The following KASH5 variants were observed in gnomAD, a reference collection of about 807,000 sequenced individuals.
KASH5 encodes protein KASH5.
Under a neutral mutation model 84.2 loss-of-function variants are expected in KASH5, and 72 were observed. The observed-to-expected ratio is 0.85, with a 90% CI of 0.71 to 1.04. KASH5 has a LOEUF of 1.04. Ranked by LOEUF, KASH5 falls within the 50% of genes least tolerant of loss-of-function variation. KASH5 has a pLI of 0.00. For missense variants in KASH5, 650 were observed against 701.0 expected, an observed-to-expected ratio of 0.93 and a Z score of 0.82; for synonymous variants, 260 against 279.1, an observed-to-expected ratio of 0.93 and a Z score of 0.68.
In KASH5 at chr19:49,412,855, G is replaced by A. The variant is rs778144036; in HGVS notation, c.1270-113G>A. 6.0e-6 allele frequency: 6 copies of A among 995,718 alleles called. No individual in the cohort carries two copies. Among genetic ancestry groups the A allele is most frequent in the South Asian group, 5.8e-5 (4 of 69,404 alleles). 61.7% of individuals were successfully genotyped at this position (995,718 alleles called of 1,614,324 possible). A position where few individuals can be genotyped will look rare whatever the true frequency, so the allele number is the denominator to read the frequency against. ...GAATTCATGTGTAGGTTGCAGCCTG[G>A]AAGACCTTTTGTATATGGGGTCTGG... On this transcript the variant is annotated intron_variant, in intron 15 of 19. Transcript: ENST00000447857. The surrounding 1 kb of genome is among the most constrained non-coding windows in gnomAD (Gnocchi z 4.6).
At chr19:49,394,665 T>C (rs1171596371) in intron 3 of KASH5, 85 bp downstream of exon 3, 3 of 1,026,396 alleles carry the variant, frequency 2.9e-6, no homozygotes, top group African/African-American at 3.2e-5. Flanking sequence ...GAGAGAAGAC[T>C]GGGCTAAGGC....
chr19:49,393,922 C>A (rs905263705), intron 2 of KASH5, among the ~76,000 whole-genome samples: 2 of 152,170 alleles, frequency 1.3e-5, no homozygotes, highest in African/African-American at 4.8e-5. Flanking sequence ...TTTACCCTAT[C>A]CCTTCATGTC....
Position 49,394,815 on chromosome 19 carries a change from C to G in KASH5, c.148+235C>G. 1.0e-5 allele frequency: 6 copies of G among 583,090 alleles called. No individual in the cohort carries two copies. The South Asian group carries it at 1.1e-4, about 11-fold the overall frequency. 36.1% of individuals were successfully genotyped at this position (583,090 alleles called of 1,614,324 possible). A position where few individuals can be genotyped will look rare whatever the true frequency, so the allele number is the denominator to read the frequency against. ...ATGGAAGAGGGCAGAGTTTTGGGGT[C>G]GTGGGATAGGGGAGGGAGGCAGCCA... On this transcript the variant is annotated intron_variant, in intron 3 of 19. Coordinates refer to ENST00000447857, the MANE Select transcript of KASH5 (RefSeq NM_144688.5).
At position 49,399,762 on chromosome 19, in the gene KASH5, C is replaced by G. The variant is rs2122141330; in HGVS notation, c.798+255C>G. 1 of 982,692 alleles carries G rather than the reference C, an allele frequency of 1.0e-6. No homozygotes were observed. Among genetic ancestry groups the G allele is most frequent in the Non-Finnish European group, 1.4e-6 (1 of 708,050 alleles). The allele number at this position is 982,692 out of a possible 1,614,324, so 60.9% of individuals were successfully genotyped here. A position where few individuals can be genotyped will look rare whatever the true frequency, so the allele number is the denominator to read the frequency against. On this transcript the variant is annotated intron_variant, in intron 9 of 19. Transcript: ENST00000447857. The surrounding 1 kb of genome is among the most constrained non-coding windows in gnomAD (Gnocchi z 4.4). Reference sequence around the variant, plus strand: ...AAGAGTGGACCAGTGCCTCCCTTCTCTGTGCCTCAGTTGCCTCACCTATAA... The same window carrying G: ...AAGAGTGGACCAGTGCCTCCCTTCTGTGTGCCTCAGTTGCCTCACCTATAA...
Position 49,409,182 on chromosome 19 carries a change from T to A in KASH5, c.1059-14T>A. 6.2e-7 allele frequency: 1 copy of A among 1,612,254 alleles called. No individual in the cohort carries two copies. The highest frequency in any genetic ancestry group is 1.1e-5 in the South Asian group (1 of 90,942). On this transcript the variant is annotated splice_polypyrimidine_tract_variant and intron_variant, in intron 13 of 19. Transcript: ENST00000447857. ...CACAGAGGCCATCTTCCTCCCTCCT[T>A]CCTGTGTGGCCAGGCTACCTGAAGG...
chr19:49,398,915 C>T, intron 7 of KASH5, 110 bp from the exon 8 acceptor site: 1 of 815,448 alleles, frequency 1.2e-6, no homozygotes, highest in Non-Finnish European at 2.0e-6. Context: ...TCTGTCCCTG[C>T]CTACCACCTG....
At chr19:49,415,165 C>G (rs976171207) in intron 17 of KASH5, 169 bp downstream of exon 17, 1 of 714,146 alleles carries the variant, frequency 1.4e-6, no homozygotes, top group Admixed American at 2.3e-5. Flanking sequence ...CTAATGAGAG[C>G]GATGGTGAGG....
Position 49,395,307 on chromosome 19 carries a change from C to T in KASH5, c.335+15C>T. The T allele has an allele frequency of 2.5e-6, 4 of 1,608,544 alleles. No individual in the cohort carries two copies. Among genetic ancestry groups the T allele is most frequent in the Non-Finnish European group, 3.4e-6 (4 of 1,178,198 alleles). On this transcript the variant is annotated intron_variant, in intron 4 of 19. Transcript: ENST00000447857. The surrounding 1 kb of genome is among the most constrained non-coding windows in gnomAD (Gnocchi z 4.4). Reference sequence around the variant, plus strand: ...CAACTACATGGGTGAGTCCCCACATCTTCATCCTCCTCTGGGAAGTCCTTC... The same window carrying T: ...CAACTACATGGGTGAGTCCCCACATTTTCATCCTCCTCTGGGAAGTCCTTC...
intron 9 of KASH5, among the ~76,000 whole-genome samples, chr19:49,406,323 C>T (rs76060370): frequency 0.037 from 5,694 of 152,180 alleles, 176 homozygotes; most frequent in Admixed American, 0.077. Context: ...CGATTATTAA[C>T]CTATCTAATC....
chr19:49,408,451 T>C (rs1974602025), intron 12 of KASH5, among the ~76,000 whole-genome samples: 1 of 152,028 alleles, frequency 6.6e-6, no homozygotes, highest in African/African-American at 2.4e-5. Flanking sequence ...GTGCTTTTTT[T>C]TTTTCTTTCT....
At chr19:49,410,510 G>T (rs1472954734) in intron 15 of KASH5, among the ~76,000 whole-genome samples, 2 of 144,900 alleles carry the variant, frequency 1.4e-5, no homozygotes, top group African/African-American at 5.2e-5. Context: ...TTGAGATGGA[G>T]TCTCACTCTG....
chr19:49,407,072 T>C (rs1974549993), intron 10 of KASH5, 109 bp downstream of exon 10: 4 of 1,314,458 alleles, frequency 3.0e-6, no homozygotes, highest in South Asian at 1.3e-5. Flanking sequence ...TCCATCAAGC[T>C]GTCAGGCTCC....
chr19:49,394,487 G>A lies in KASH5; in HGVS notation c.55G>A (p.Glu19Lys), dbSNP rs529432324. The change falls in exon 3 of 20, where the codon GAG (glutamate) becomes AAG (lysine). Residue 19 changes from glutamate to lysine, a missense_variant. Physicochemically the swap from Glu to Lys is moderately conservative, Grantham distance 56. Transcript: ENST00000447857. ...TCTTGTCTCCCCAGTGTACCTCCGG[G>A]AGCGGCCTGAGGAGGCAAGGCTGGG... ...GGPTAEMYLR[E>K]RPEEARLGMP... 6.2e-7 allele frequency: 1 copy of A among 1,613,674 alleles called. No individual in the cohort carries two copies. The highest frequency in any genetic ancestry group is 1.3e-5 in the African/African-American group (1 of 75,038).
intron 17 of KASH5, 176 bp downstream of exon 17, chr19:49,415,172 G>T: frequency 1.5e-6 from 1 of 680,140 alleles, no homozygotes; most frequent in Non-Finnish European, 2.5e-6. Flanking sequence ...GAGCGATGGT[G>T]AGGTGGGGGG....
At position 49,409,897 on chromosome 19, in the gene KASH5, A is replaced by T. The variant is rs749355337; in HGVS notation, c.1269+22A>T. 1.1e-5 allele frequency: 18 copies of T among 1,611,412 alleles called. 1 individual carries two copies. The Admixed American group carries it at 1.2e-4, about 10-fold the overall frequency. On this transcript the variant is annotated intron_variant, in intron 15 of 19. Transcript: ENST00000447857. ...ACAGGTGAGCACAGGAAAAGCTCTG[A>T]AGTCCAGGAGCTGGAAAGGGGCCAG...
At position 49,391,059 on chromosome 19, in the gene KASH5, G is replaced by C. The variant is rs1331829087; in HGVS notation, c.43+133G>C. ...TGAGCCTTTGCATGGGTGCAGAGTGGAAGGGAGGGAAGGGACTCTGGTAGA... is the reference window on the plus strand; with the variant it reads ...TGAGCCTTTGCATGGGTGCAGAGTGCAAGGGAGGGAAGGGACTCTGGTAGA... On this transcript the variant is annotated intron_variant, in intron 2 of 19. Coordinates refer to ENST00000447857, the MANE Select transcript of KASH5 (RefSeq NM_144688.5). The C allele has an allele frequency of 4.5e-6, 4 of 897,000 alleles. No individual in the cohort carries two copies. The African/African-American group carries it at 6.9e-5, about 16-fold the overall frequency. The allele number at this position is 897,000 out of a possible 1,614,324, so 55.6% of individuals were successfully genotyped here. A position where few individuals can be genotyped will look rare whatever the true frequency, so the allele number is the denominator to read the frequency against.
chr19:49,414,100 TC>T lies in KASH5; in HGVS notation c.1329-850del, dbSNP rs1173872358. Among the ~76,000 whole-genome samples, 1 of 151,930 alleles carries T rather than the reference TC, an allele frequency of 6.6e-6. No homozygotes were observed. Among genetic ancestry groups the T allele is most frequent in the Non-Finnish European group, 1.5e-5 (1 of 67,960 alleles). ...GTCCCCAAAGCAGCATTTCAGGGACTCAGATGGCTGTGACCCTAGGAGGGGC... is the reference window on the plus strand; with the variant it reads ...GTCCCCAAAGCAGCATTTCAGGGACTAGATGGCTGTGACCCTAGGAGGGGC... On this transcript the variant is annotated intron_variant, in intron 16 of 19. Coordinates refer to ENST00000447857, the MANE Select transcript of KASH5 (RefSeq NM_144688.5). This position sits in a 1 kb window ranked among gnomAD's most constrained non-coding sequence, Gnocchi z 4.5.
chr19:49,392,304 CAG>C (rs1974028345), intron 2 of KASH5, among the ~76,000 whole-genome samples: 1 of 151,292 alleles, frequency 6.6e-6, no homozygotes, highest in Admixed American at 6.6e-5. Context: ...GACATGGAGG[CAG>C]AGAGACAGGA....
chr19:49,413,546 T>C (rs1427284979), intron 16 of KASH5, among the ~76,000 whole-genome samples: 1 of 152,206 alleles, frequency 6.6e-6, no homozygotes, highest in Non-Finnish European at 1.5e-5. Context: ...CAGCTGCGGC[T>C]ACTAATGAGG....
Sources: gnomAD v4.1 joint callset for allele counts (sites outside exome capture counted in the v4.1 genomes callset) on GRCh38, gnomAD v4.1.1 for gene constraint, Gnocchi (gnomAD v3.1) non-coding constraint, MANE v1.5 for transcripts, NCBI Gene and HGNC (gene_info 2026-07-23, HGNC 2026-07-21) for gene names.